Variants in SIX3 observed in about 807,000 individuals in gnomAD.
SIX3 encodes homeobox protein SIX3.
SIX3 carries 2 observed loss-of-function variants against 21.7 expected under a neutral mutation model. That is an observed-to-expected ratio of 0.09 (90% confidence interval 0.04 to 0.29). SIX3 has a LOEUF of 0.29. SIX3 is among the 10% of genes least tolerant of loss of function. SIX3 has a pLI of 1.00. For synonymous variants in SIX3, 243 were observed against 220.6 expected (o/e 1.10, Z -0.90); for missense variants, 347 against 480.7 (o/e 0.72, Z 2.60).
Position 44,943,821 on chromosome 2 carries a change from C to G in SIX3, c.807-747C>G, listed in dbSNP as rs569072815. On this transcript the variant is annotated intron_variant, in intron 1 of 1. Coordinates refer to ENST00000260653, the MANE Select transcript of SIX3 (RefSeq NM_005413.4). Reference sequence around the variant, plus strand: ...TGGTGTACTTCAGGGAGCAGGACCCCCAGCTGCTGACAGCTGCCCGTGGGT... The same window carrying G: ...TGGTGTACTTCAGGGAGCAGGACCCGCAGCTGCTGACAGCTGCCCGTGGGT... Among the ~76,000 whole-genome samples, 108 of 152,294 alleles carry G rather than the reference C, an allele frequency of 7.1e-4. 1 individual carries two copies. Among genetic ancestry groups the G allele is most frequent in the African/African-American group, 2.6e-3 (106 of 41,562 alleles).
Position 44,946,012 on chromosome 2 carries a change from G to T in SIX3, c.*1252G>T, listed in dbSNP as rs777639070. On this transcript the variant is annotated 3_prime_UTR_variant, in exon 2 of 2. Coordinates refer to ENST00000260653, the MANE Select transcript of SIX3 (RefSeq NM_005413.4). ...CGCTTTTACTGTTATCTTAAACTGC[G>T]TGTTTATCTATATGTAAAAACTTTC... 1 of 152,228 alleles carries T rather than the reference G, an allele frequency of 6.6e-6. No individual in the cohort carries two copies. The highest frequency in any genetic ancestry group is 2.4e-5 in the African/African-American group (1 of 41,452). 9.4% of individuals were successfully genotyped at this position (152,228 alleles called of 1,614,324 possible). A position where few individuals can be genotyped will look rare whatever the true frequency, so the allele number is the denominator to read the frequency against.
intron 1 of SIX3, among the ~76,000 whole-genome samples, chr2:44,944,101 T>C (rs970527419): frequency 3.9e-5 from 6 of 152,232 alleles, no homozygotes; most frequent in Non-Finnish European, 7.3e-5. Flanking sequence ...TCTGTCTCCC[T>C]GCTCTTTCCC....
intron 1 of SIX3, among the ~76,000 whole-genome samples, chr2:44,943,818 C>A (rs1255108859): frequency 3.3e-5 from 5 of 152,196 alleles, no homozygotes; most frequent in Admixed American, 6.5e-5. Flanking sequence ...GGGAGCAGGA[C>A]CCCCAGCTGC....
chr2:44,944,994 A>C lies in SIX3; in HGVS notation c.*234A>C. On this transcript the variant is annotated 3_prime_UTR_variant, in exon 2 of 2. Transcript: ENST00000260653. ...AACCGCAAACTATCAACAACCCCCAACCACCATCTACCACTACGGCCACCC... is the reference window on the plus strand; with the variant it reads ...AACCGCAAACTATCAACAACCCCCACCCACCATCTACCACTACGGCCACCC... 21 of 546,170 alleles carry C rather than the reference A, an allele frequency of 3.8e-5. No individual in the cohort carries two copies. Among genetic ancestry groups the C allele is most frequent in the East Asian group, 9.6e-5 (3 of 31,140 alleles). The allele number at this position is 546,170 out of a possible 1,614,324, so 33.8% of individuals were successfully genotyped here. A position where few individuals can be genotyped will look rare whatever the true frequency, so the allele number is the denominator to read the frequency against.
chr2:44,943,005 A>G, intron 1 of SIX3, 95 bp downstream of exon 1: 1 of 1,475,192 alleles, frequency 6.8e-7, no homozygotes, highest in East Asian at 2.5e-5. Context: ...GCTGAGAGCC[A>G]GGGAAGCCGT....
chr2:44,944,443 C>G (rs1327257702), intron 1 of SIX3, 125 bp from the exon 2 acceptor site: 1 of 1,162,990 alleles, frequency 8.6e-7, no homozygotes, highest in Non-Finnish European at 1.2e-6. Context: ...TGCCTCTCCT[C>G]CGAGGCCAGC....
Position 44,944,609 on chromosome 2 carries a change from T to C in SIX3, c.848T>C (p.Leu283Pro), listed in dbSNP as rs1378761400. 6.3e-7 allele frequency: 1 copy of C among 1,576,060 alleles called. No homozygotes were observed. The highest frequency in any genetic ancestry group is 2.3e-5 in the East Asian group (1 of 43,068). ...ATTGGACCGAGCGGCATGCGCTCGC[T>C]GGCCGAGCCCGGCTGCCCCACGCAC... is the stretch of plus-strand genomic sequence containing the variant. ...QAIGPSGMRS[L>P]AEPGCPTHGS... The change falls in exon 2 of 2, where the codon CTG becomes CCG. Residue 283 changes from leucine to proline, a missense_variant. Around this residue, in one of 4 missense-constraint regions of SIX3, gnomAD observed 110 missense variants for 93.3 expected, o/e 1.18. Transcript: ENST00000260653.
Position 44,944,603 on chromosome 2 carries a change from G to T in SIX3, c.842G>T (p.Arg281Leu), listed in dbSNP as rs774682149. 6.3e-7 allele frequency: 1 copy of T among 1,576,328 alleles called. No individual in the cohort carries two copies. ...CAGGCCATTGGACCGAGCGGCATGC[G>T]CTCGCTGGCCGAGCCCGGCTGCCCC... is the stretch of plus-strand genomic sequence containing the variant. ...QHQAIGPSGM[R>L]SLAEPGCPTH... is the part of the protein sequence containing the mutation. Residue 281 changes from arginine to leucine, a missense_variant, in exon 2 of 2, where the codon CGC becomes CTC. Arg to Leu is a moderately radical substitution (Grantham distance 102). Around this residue, in one of 4 missense-constraint regions of SIX3, gnomAD observed 110 missense variants for 93.3 expected, o/e 1.18. Transcript: ENST00000260653.
At position 44,945,889 on chromosome 2, in the gene SIX3, G is replaced by A. The variant is rs1233289823; in HGVS notation, c.*1129G>A. The A allele has an allele frequency of 2.0e-5, 3 of 152,240 alleles. No homozygotes were observed. Among genetic ancestry groups the A allele is most frequent in the African/African-American group, 7.2e-5 (3 of 41,468 alleles). The allele number at this position is 152,240 out of a possible 1,614,324, so 9.4% of individuals were successfully genotyped here. ...CTGGGTTAGGAAGAGGGACCCTGTC[G>A]CTAGCAAAAGCGGAGAGTGAGATTG... On this transcript the variant is annotated 3_prime_UTR_variant, in exon 2 of 2. Coordinates refer to ENST00000260653, the MANE Select transcript of SIX3 (RefSeq NM_005413.4).
rs533412798 is a variant in SIX3, at chr2:44,942,367, C to T, written c.263C>T (p.Ser88Leu). 1.3e-4 allele frequency: 212 copies of T among 1,597,806 alleles called. 2 individuals carry two copies. The South Asian group carries it at 2.2e-3, about 17-fold the overall frequency. Residue 88 changes from serine to leucine, a missense_variant, in exon 1 of 2, where the codon TCG (serine) becomes TTG (leucine). Physicochemically the swap from Ser to Leu is moderately radical, Grantham distance 145 (BLOSUM62 -2). Transcript: ENST00000260653. This position sits in a 1 kb window ranked among gnomAD's most constrained non-coding sequence, Gnocchi z 8.4. ...TTCCAGCTGCCCACCCTCAACTTCT[C>T]GCCGGAGCAGGTGGCCAGCGTCTGT... The part of the protein sequence containing the change: ...SMFQLPTLNF[S>L]PEQVASVCET...
Position 44,942,986 on chromosome 2 carries a change from G to T in SIX3, c.806+76G>T. 1.3e-6 allele frequency: 2 copies of T among 1,504,570 alleles called. No individual in the cohort carries two copies. The highest frequency in any genetic ancestry group is 8.8e-7 in the Non-Finnish European group (1 of 1,134,352). 93.2% of individuals were successfully genotyped at this position (1,504,570 alleles called of 1,614,324 possible). A position where few individuals can be genotyped will look rare whatever the true frequency, so the allele number is the denominator to read the frequency against. The stretch of plus-strand genomic sequence containing the variant: ...GGAGAGGGGTTGAGATGGGGCTAGC[G>T]GAGCGGCCGCTGAGAGCCAGGGAAG... On this transcript the variant is annotated intron_variant, in intron 1 of 1. Transcript: ENST00000260653. This position sits in a 1 kb window ranked among gnomAD's most constrained non-coding sequence, Gnocchi z 8.4.
Position 44,941,832 on chromosome 2 carries a change from GTCTCGGGT to G in SIX3, c.-268_-261del, listed in dbSNP as rs1206740832. The G allele has an allele frequency of 1.6e-5, 6 of 384,656 alleles. No homozygotes were observed. The highest frequency in any genetic ancestry group is 1.3e-4 in the African/African-American group (6 of 47,864). The allele number at this position is 384,656 out of a possible 1,614,324, so 23.8% of individuals were successfully genotyped here. A position where few individuals can be genotyped will look rare whatever the true frequency, so the allele number is the denominator to read the frequency against. On this transcript the variant is annotated 5_prime_UTR_variant, in exon 1 of 2. Coordinates refer to ENST00000260653, the MANE Select transcript of SIX3 (RefSeq NM_005413.4). Reference sequence around the variant, plus strand: ...TCTCTCCCTCTCCCTCTCCCTCTCTGTCTCGGGTTCTCTCTCTGCGCGCGCGCACCGGG... The same window carrying G: ...TCTCTCCCTCTCCCTCTCCCTCTCTGTCTCTCTCTGCGCGCGCGCACCGGG...
Sources: gnomAD v4.1 joint callset for allele counts (sites outside exome capture counted in the v4.1 genomes callset) on GRCh38, gnomAD v4.1.1 for gene constraint, gnomAD v4.1.1 regional missense constraint, Gnocchi (gnomAD v3.1) non-coding constraint, MANE v1.5 for transcripts, NCBI Gene and HGNC (gene_info 2026-07-23, HGNC 2026-07-21) for gene names.